Variants in KLF12 observed in about 807,000 individuals in gnomAD.
The protein encoded by KLF12 is KLF transcription factor 12, also known as Krueppel-like factor 12.
In KLF12, 9 loss-of-function variants were observed where a neutral mutation model predicts 37.8. The ratio of observed to expected loss-of-function variants is 0.24; its 90% confidence interval spans 0.14 to 0.42. The LOEUF (loss-of-function observed/expected upper bound fraction) is 0.42. KLF12 is among the 10% of genes least tolerant of loss of function. The pLI is 1.00. For missense variants in KLF12, 411 were observed against 516.0 expected (o/e 0.80, Z 1.97); for synonymous variants, 208 against 202.1 (o/e 1.03, Z -0.25).
At chr13:74,237,734 C>T in the KLF12 span, among the ~76,000 whole-genome samples, 3 of 152,130 alleles carry the variant, frequency 2.0e-5, no homozygotes, top group Non-Finnish European at 1.5e-5. Flanking sequence ...CATGATTTGG[C>T]TCTCTGTTTG....
chr13:74,056,988 A>G (rs532413359), intron 1 of KLF12, among the ~76,000 whole-genome samples: 1 of 152,352 alleles, frequency 6.6e-6, no homozygotes, highest in African/African-American at 2.4e-5. Context: ...GGAGCCAGAG[A>G]AAGTTGCAGT....
chr13:73,935,138 C>T (rs929363089), intron 3 of KLF12, among the ~76,000 whole-genome samples: 9 of 151,776 alleles, frequency 5.9e-5, no homozygotes, highest in African/African-American at 9.7e-5. Flanking sequence ...AGCCACAACG[C>T]CTGGCTAATT....
the KLF12 span, among the ~76,000 whole-genome samples, chr13:74,224,407 A>G: frequency 3.9e-5 from 6 of 152,122 alleles, no homozygotes; most frequent in African/African-American, 1.2e-4. Context: ...CTAACTTTCT[A>G]TATGGAAAAA....
Position 73,687,311 on chromosome 13 carries a change from C to T in KLF12, c.*8179G>A, listed in dbSNP as rs967910876. On this transcript the variant is annotated 3_prime_UTR_variant, in exon 8 of 8. Transcript: ENST00000377669. Reference sequence around the variant, plus strand: ...TGTGATGCAATGTGTCCCACATAGACATGAACAAAACAATACAGTCACTAC... The same window carrying T: ...TGTGATGCAATGTGTCCCACATAGATATGAACAAAACAATACAGTCACTAC... 6.6e-6 allele frequency: 1 copy of T among 152,610 alleles called. No individual in the cohort carries two copies. Among genetic ancestry groups the T allele is most frequent in the Non-Finnish European group, 1.5e-5 (1 of 68,030 alleles). The allele number at this position is 152,610 out of a possible 1,614,324, so 9.5% of individuals were successfully genotyped here.
chr13:74,079,991 T>A (rs1427749128), intron 1 of KLF12, among the ~76,000 whole-genome samples: 1 of 152,206 alleles, frequency 6.6e-6, no homozygotes, highest in Admixed American at 6.5e-5. Flanking sequence ...AAAAGATGAA[T>A]GGATACACAA....
intron 4 of KLF12, among the ~76,000 whole-genome samples, chr13:73,820,247 C>A (rs1471249919): frequency 2.0e-5 from 3 of 152,118 alleles, no homozygotes; most frequent in Non-Finnish European, 4.4e-5. Flanking sequence ...TTTTTTTCTC[C>A]TTGGTCACCT....
At chr13:74,276,593 C>T in the KLF12 span, among the ~76,000 whole-genome samples, 1 of 152,056 alleles carries the variant, frequency 6.6e-6, no homozygotes, top group East Asian at 1.9e-4. Context: ...TTGAAGATAC[C>T]TTAATATTTA....
chr13:74,300,127 A>C, the KLF12 span, among the ~76,000 whole-genome samples: 5 of 152,302 alleles, frequency 3.3e-5, no homozygotes, highest in South Asian at 1.0e-3. Context: ...CAGATAATTG[A>C]ATAGAGGAAC....
chr13:73,957,433 T>C (rs966397717), intron 2 of KLF12, among the ~76,000 whole-genome samples: 6 of 152,202 alleles, frequency 3.9e-5, no homozygotes, highest in African/African-American at 4.8e-5. Flanking sequence ...TCAATATTAA[T>C]ATAACAACTA....
intron 3 of KLF12, among the ~76,000 whole-genome samples, chr13:73,913,692 AAGAC>A (rs762304679): frequency 1.2e-4 from 19 of 152,346 alleles, no homozygotes; most frequent in Admixed American, 6.5e-4. Flanking sequence ...ACTTGGCAAA[AAGAC>A]AGAAACCTTT....
At chr13:73,771,918 G>A (rs1880295906) in intron 5 of KLF12, among the ~76,000 whole-genome samples, 2 of 152,192 alleles carry the variant, frequency 1.3e-5, no homozygotes, top group African/African-American at 4.8e-5. Context: ...TCCAAGAAGA[G>A]GAGCTAAGTT....
At chr13:74,227,462 C>T in the KLF12 span, among the ~76,000 whole-genome samples, 38 of 152,004 alleles carry the variant, frequency 2.5e-4, no homozygotes, top group African/African-American at 9.0e-4. Context: ...AAATTTTCTA[C>T]GTCTCTTCAT....
intron 6 of KLF12, among the ~76,000 whole-genome samples, chr13:73,743,326 G>A (rs1482865069): frequency 6.6e-6 from 1 of 152,186 alleles, no homozygotes; most frequent in Non-Finnish European, 1.5e-5. Context: ...AGGTGGTGGT[G>A]TTATTACTCA....
intron 3 of KLF12, among the ~76,000 whole-genome samples, chr13:73,907,641 T>A (rs1888365736): frequency 6.6e-6 from 1 of 152,204 alleles, no homozygotes; most frequent in Non-Finnish European, 1.5e-5. Context: ...AGTAGTTAAG[T>A]AACTTGAAGA....
At chr13:73,866,138 C>T (rs1012027439) in intron 3 of KLF12, among the ~76,000 whole-genome samples, 1 of 151,992 alleles carries the variant, frequency 6.6e-6, no homozygotes, top group Non-Finnish European at 1.5e-5. Flanking sequence ...CGCCTGTAAT[C>T]CAGCTACTCG....
chr13:74,192,819 T>G, the KLF12 span, among the ~76,000 whole-genome samples: 1 of 152,166 alleles, frequency 6.6e-6, no homozygotes, highest in African/African-American at 2.4e-5. Context: ...GCACAGATTT[T>G]CCAAGAAAAT....
intron 3 of KLF12, among the ~76,000 whole-genome samples, chr13:73,886,991 TCA>T (rs1887254996): frequency 2.3e-5 from 1 of 43,028 alleles, no homozygotes. Flanking sequence ...AAAATCCGTC[TCA>T]AAAAAAAAAA....
the KLF12 span, among the ~76,000 whole-genome samples, chr13:74,303,442 G>C: frequency 2.6e-5 from 4 of 152,078 alleles, no homozygotes; most frequent in African/African-American, 9.7e-5. Flanking sequence ...TTGTATACCT[G>C]TCATTCTTTC....
chr13:73,944,078 T>C lies in KLF12; in HGVS notation c.34-8A>G, dbSNP rs767698885. 1.1e-5 allele frequency: 17 copies of C among 1,546,956 alleles called. No homozygotes were observed. The highest frequency in any genetic ancestry group is 1.5e-5 in the Non-Finnish European group (17 of 1,121,904). On this transcript the variant is annotated splice_polypyrimidine_tract_variant and splice_region_variant and intron_variant, in intron 2 of 7. Transcript: ENST00000377669. ...CTCAAAGGTGTTGATATTCTGAGAA[T>C]AGAAGGGAGAGAGAAAGATTCAGCT... is the stretch of plus-strand genomic sequence containing the variant.
Sources: allele counts gnomAD v4.1 joint callset (sites outside exome capture counted in the v4.1 genomes callset), GRCh38; gene constraint gnomAD v4.1.1; transcripts MANE v1.5; gene names NCBI Gene and HGNC (gene_info 2026-07-23, HGNC 2026-07-21).